The following SYT9 variants were observed in gnomAD, a reference collection of about 807,000 sequenced individuals.
SYT9 encodes the protein synaptotagmin-9.
In SYT9, 22 loss-of-function variants were observed where a neutral mutation model predicts 48.4. The ratio of observed to expected loss-of-function variants is 0.45; its 90% CI spans 0.32 to 0.65. SYT9 has a LOEUF of 0.65. Ranked by LOEUF, SYT9 falls within the 30% of genes least tolerant of loss-of-function variation. The pLI, the probability that SYT9 is intolerant of heterozygous loss-of-function variation, is 0.03. For missense variants in SYT9, 577 were observed against 622.0 expected, an observed-to-expected ratio of 0.93 and a Z score of 0.77; for synonymous variants, 265 against 245.0, an observed-to-expected ratio of 1.08 and a Z score of -0.76.
chr11:7,380,919 G>C (rs1850548900), intron 3 of SYT9, among the ~76,000 whole-genome samples: 1 of 152,052 alleles, frequency 6.6e-6, no homozygotes, highest in African/African-American at 2.4e-5. Flanking sequence ...AGGCCTTATT[G>C]ATCTTACCTA....
chr11:7,349,156 A>T (rs1849860005), intron 3 of SYT9, among the ~76,000 whole-genome samples: 1 of 151,966 alleles, frequency 6.6e-6, no homozygotes, highest in African/African-American at 2.4e-5. Flanking sequence ...TACTCTCTTT[A>T]CTGGGGATTA....
intron 6 of SYT9, among the ~76,000 whole-genome samples, chr11:7,463,558 T>G (rs1590047470): frequency 6.6e-6 from 1 of 152,316 alleles, no homozygotes; most frequent in East Asian, 1.9e-4. Flanking sequence ...CAGAACTGAC[T>G]TGTATGCTTG....
intron 5 of SYT9, among the ~76,000 whole-genome samples, chr11:7,419,908 A>G (rs1847318913): frequency 6.6e-6 from 1 of 152,170 alleles, no homozygotes; most frequent in South Asian, 2.1e-4. Context: ...AAAAAAAGAA[A>G]TATTAGCCTC....
At chr11:7,407,732 A>G (rs375353110) in intron 3 of SYT9, among the ~76,000 whole-genome samples, 201 of 152,300 alleles carry the variant, frequency 1.3e-3, no homozygotes, top group African/African-American at 4.6e-3. Flanking sequence ...AGCCATAGGT[A>G]TCCAGTTTCC....
At chr11:7,255,521 A>G (rs182225425) in intron 1 of SYT9, among the ~76,000 whole-genome samples, 2 of 152,362 alleles carry the variant, frequency 1.3e-5, no homozygotes, top group East Asian at 3.9e-4. Context: ...TATTTCAGAA[A>G]TCCAGACAGA....
At chr11:7,390,007 T>G (rs11041342) in intron 3 of SYT9, among the ~76,000 whole-genome samples, 58,438 of 152,060 alleles carry the variant, frequency 0.38, 12,237 homozygotes, top group East Asian at 0.74. Context: ...TATTATACTT[T>G]AAGTTCTAGG....
chr11:7,463,032 A>G (rs1848262051), intron 6 of SYT9, among the ~76,000 whole-genome samples: 2 of 152,200 alleles, frequency 1.3e-5, no homozygotes, highest in Non-Finnish European at 2.9e-5. Flanking sequence ...ATGTCTCAGG[A>G]CAATTGAATT....
intron 3 of SYT9, among the ~76,000 whole-genome samples, chr11:7,397,957 A>G (rs1409930392): frequency 6.6e-6 from 1 of 152,200 alleles, no homozygotes; most frequent in African/African-American, 2.4e-5. Flanking sequence ...TTTAATGTAT[A>G]TGTCTTTTAT....
At chr11:7,262,236 G>C (rs1361114698) in intron 1 of SYT9, among the ~76,000 whole-genome samples, 4 of 152,126 alleles carry the variant, frequency 2.6e-5, no homozygotes, top group Non-Finnish European at 4.4e-5. Context: ...GCAGCTAGGA[G>C]AATAGAGTTG....
At chr11:7,379,227 G>A (rs1034089359) in intron 3 of SYT9, among the ~76,000 whole-genome samples, 1 of 152,092 alleles carries the variant, frequency 6.6e-6, no homozygotes, top group Non-Finnish European at 1.5e-5. Flanking sequence ...GGGGAAATAG[G>A]CAGAGTTTTA....
chr11:7,399,402 G>A (rs1178205788), intron 3 of SYT9, among the ~76,000 whole-genome samples: 1 of 152,136 alleles, frequency 6.6e-6, no homozygotes, highest in Non-Finnish European at 1.5e-5. Context: ...CCACTTAATG[G>A]TATGCTGATT....
At chr11:7,341,955 G>A in intron 3 of SYT9, among the ~76,000 whole-genome samples, 1 of 152,066 alleles carries the variant, frequency 6.6e-6, no homozygotes, top group African/African-American at 2.4e-5. Context: ...ATGGCAAGAG[G>A]GAATGAGAGC....
At chr11:7,405,824 T>C (rs1846997077) in intron 3 of SYT9, among the ~76,000 whole-genome samples, 1 of 152,240 alleles carries the variant, frequency 6.6e-6, no homozygotes, top group Non-Finnish European at 1.5e-5. Flanking sequence ...TTTTATAATT[T>C]AGAAAACTTT....
intron 3 of SYT9, among the ~76,000 whole-genome samples, chr11:7,406,819 A>T (rs1440704746): frequency 6.6e-6 from 1 of 152,096 alleles, no homozygotes; most frequent in African/African-American, 2.4e-5. Flanking sequence ...CCAACAGTAT[A>T]TAAGAATTCC....
chr11:7,303,370 A>G lies in SYT9; in HGVS notation c.477A>G (p.Thr159=), dbSNP rs1848970396. ...AHGVRVQRQV[T]EPTSSARHNS... ...GCGTCCGCGTGCAGCGCCAAGTCACAGAGCCAACCTCGTCGGCCCGGTCAG... is the reference window on the plus strand; with the variant it reads ...GCGTCCGCGTGCAGCGCCAAGTCACGGAGCCAACCTCGTCGGCCCGGTCAG... Residue 159 remains threonine, a synonymous_variant, in exon 2 of 7, where the codon ACA becomes ACG. Coordinates refer to ENST00000318881, the MANE Select transcript of SYT9 (RefSeq NM_175733.4). 9 of 1,610,270 alleles carry G rather than the reference A, an allele frequency of 5.6e-6. No individual in the cohort carries two copies. In the East Asian group the frequency reaches 2.0e-4, roughly 36 times the overall value.
chr11:7,318,442 T>C (rs1849279715), intron 3 of SYT9, among the ~76,000 whole-genome samples: 2 of 151,824 alleles, frequency 1.3e-5, no homozygotes, highest in South Asian at 4.2e-4. Flanking sequence ...GCCTCCTGAG[T>C]AGCTGGAATT....
At chr11:7,374,156 G>A (rs1433570307) in intron 3 of SYT9, among the ~76,000 whole-genome samples, 1 of 152,080 alleles carries the variant, frequency 6.6e-6, no homozygotes, top group African/African-American at 2.4e-5. Context: ...CCACTTATGA[G>A]TGAGAATATG....
chr11:7,269,916 CA>C (rs144040079), intron 1 of SYT9, among the ~76,000 whole-genome samples: 2,951 of 152,140 alleles, frequency 0.019, 104 homozygotes, highest in African/African-American at 0.067. Flanking sequence ...ACCCTAAAGC[CA>C]AAAACCATAA....
At chr11:7,341,818 T>G (rs898494096) in intron 3 of SYT9, among the ~76,000 whole-genome samples, 1 of 152,154 alleles carries the variant, frequency 6.6e-6, no homozygotes, top group Non-Finnish European at 1.5e-5. Flanking sequence ...ATTATTTCAT[T>G]TTCATGCTGC....
Sources: allele counts gnomAD v4.1 joint callset (sites outside exome capture counted in the v4.1 genomes callset), GRCh38; gene constraint gnomAD v4.1.1; transcripts MANE v1.5; gene names NCBI Gene and HGNC (gene_info 2026-07-23, HGNC 2026-07-21).